The following DAAM1 variants were observed in gnomAD, a reference collection of about 807,000 sequenced individuals.
The protein encoded by DAAM1 is disheveled-associated activator of morphogenesis 1.
In DAAM1, 52 loss-of-function variants were observed where a neutral mutation model predicts 130.0. That is an observed-to-expected ratio of 0.40 (90% CI 0.32 to 0.50). The LOEUF is 0.50. DAAM1 is among the 20% of genes least tolerant of loss of function. The pLI, the probability that DAAM1 is intolerant of heterozygous loss-of-function variation, is 0.61. For missense variants in DAAM1, 1,134 were observed against 1,303.8 expected, an observed-to-expected ratio of 0.87 and a Z score of 2.01; for synonymous variants, 452 against 444.5, an observed-to-expected ratio of 1.02 and a Z score of -0.21.
Position 59,344,845 on chromosome 14 carries a change from G to A in DAAM1, c.2076-2694G>A, listed in dbSNP as rs374730052. Among the ~76,000 whole-genome samples, 5 of 152,234 alleles carry A rather than the reference G, an allele frequency of 3.3e-5. No individual in the cohort carries two copies. In the East Asian group the frequency reaches 5.8e-4, roughly 18 times the overall value. ...ATCTGATACTTCAAGTATTGTTCTC[G>A]CTCTGATTTTCAACTCCTTTTCTTT... On this transcript the variant is annotated intron_variant, in intron 16 of 24. Transcript: ENST00000360909.
Position 59,341,621 on chromosome 14 carries a change from A to C in DAAM1, c.2075+1441A>C, listed in dbSNP as rs149849878. ...TGTATAGACAAAAAAAACATAGTCT[A>C]TGTAAGGATCAATACTATCCACAGT... On this transcript the variant is annotated intron_variant, in intron 16 of 24. Coordinates refer to ENST00000360909, the MANE Select transcript of DAAM1 (RefSeq NM_001270520.2). Among the ~76,000 whole-genome samples the C allele has an allele frequency of 7.7e-3, 1,170 of 152,358 alleles. 20 individuals are homozygous for C. The highest frequency in any genetic ancestry group is 0.026 in the African/African-American group (1,091 of 41,584).
At chr14:59,292,298 C>G (rs1410293792) in intron 3 of DAAM1, among the ~76,000 whole-genome samples, 1 of 152,166 alleles carries the variant, frequency 6.6e-6, no homozygotes, top group Non-Finnish European at 1.5e-5. Flanking sequence ...AATATTTTTT[C>G]AAGACACCAC....
At chr14:59,276,904 TC>T (rs1882994131) in intron 2 of DAAM1, among the ~76,000 whole-genome samples, 1 of 152,150 alleles carries the variant, frequency 6.6e-6, no homozygotes, top group Non-Finnish European at 1.5e-5. Context: ...TCCTGCCCAT[TC>T]CCCCACCTCA....
At chr14:59,315,483 A>G (rs1268136429) in intron 4 of DAAM1, 132 bp downstream of exon 4, 3 of 817,918 alleles carry the variant, frequency 3.7e-6, no homozygotes, top group Non-Finnish European at 5.8e-6. Flanking sequence ...CATCCTAAAC[A>G]TTCAATGCTG....
chr14:59,227,249 G>A (rs1029988466), intron 1 of DAAM1, among the ~76,000 whole-genome samples: 1 of 152,162 alleles, frequency 6.6e-6, no homozygotes, highest in African/African-American at 2.4e-5. Context: ...AACAAGGATG[G>A]TGTGAACAAG....
At chr14:59,195,710 T>C (rs943180662) in intron 1 of DAAM1, among the ~76,000 whole-genome samples, 1 of 152,178 alleles carries the variant, frequency 6.6e-6, no homozygotes, top group Admixed American at 6.5e-5. Flanking sequence ...TTGGGCATTG[T>C]TGGGGTAATA....
rs10144311 is a variant in DAAM1, at chr14:59,355,534, T to A, written c.2525+201T>A. 3.4e-3 allele frequency among the ~76,000 whole-genome samples: 512 copies of A among 152,324 alleles called. 4 individuals carry two copies. Among genetic ancestry groups the A allele is most frequent in the African/African-American group, 0.012 (483 of 41,564 alleles). ...ACCGCAGGCATCTCCCACATTCCTG[T>A]TGGACCAATTATCCTTCATCCATTT... On this transcript the variant is annotated intron_variant, in intron 20 of 24. Coordinates refer to ENST00000360909, the MANE Select transcript of DAAM1 (RefSeq NM_001270520.2).
intron 3 of DAAM1, among the ~76,000 whole-genome samples, chr14:59,293,942 T>C (rs972055722): frequency 2.6e-5 from 4 of 152,192 alleles, no homozygotes; most frequent in Non-Finnish European, 4.4e-5. Context: ...TTATTTTCCT[T>C]GGAACATCTC....
At chr14:59,320,661 G>T in intron 5 of DAAM1, 77 bp downstream of exon 5, 1 of 1,028,672 alleles carries the variant, frequency 9.7e-7, no homozygotes, top group South Asian at 1.9e-5. Flanking sequence ...AACCTTCTAG[G>T]AAGTCTTAAG....
intron 3 of DAAM1, among the ~76,000 whole-genome samples, chr14:59,300,665 A>G (rs1884135117): frequency 6.6e-6 from 1 of 152,212 alleles, no homozygotes; most frequent in Non-Finnish European, 1.5e-5. Flanking sequence ...TTTTTTAAAA[A>G]AGAAATAAAA....
intron 1 of DAAM1, among the ~76,000 whole-genome samples, chr14:59,236,203 A>G (rs1448548663): frequency 6.6e-6 from 1 of 151,948 alleles, no homozygotes; most frequent in African/African-American, 2.4e-5. Context: ...ATCTTCAGGT[A>G]ATTTTTAGCA....
chr14:59,303,128 C>T (rs578210408), intron 3 of DAAM1, among the ~76,000 whole-genome samples: 7 of 152,248 alleles, frequency 4.6e-5, no homozygotes, highest in East Asian at 1.9e-4. Context: ...TGTGACTGTG[C>T]GAGGCCCTTT....
Position 59,359,516 on chromosome 14 carries a change from C to T in DAAM1, c.2633+12C>T, listed in dbSNP as rs762092796. ...GCTGCGAAAGTAAAGTAAGTACTTA[C>T]AGTGAGTGTTAGTTTCTTAAATCAC... On this transcript the variant is annotated intron_variant, in intron 21 of 24. Transcript: ENST00000360909. The T allele has an allele frequency of 4.4e-6, 7 of 1,594,802 alleles. No homozygotes were observed. Among genetic ancestry groups the T allele is most frequent in the Non-Finnish European group, 6.0e-6 (7 of 1,162,918 alleles).
intron 1 of DAAM1, among the ~76,000 whole-genome samples, chr14:59,242,371 CA>C (rs571489813): frequency 6.6e-6 from 1 of 152,174 alleles, no homozygotes; most frequent in South Asian, 2.1e-4. Context: ...ATAGTAACAA[CA>C]ACAACAACAG....
chr14:59,363,426 G>A (rs1886789303), intron 22 of DAAM1: 7 of 477,798 alleles, frequency 1.5e-5, no homozygotes, highest in Non-Finnish European at 2.6e-5. Context: ...TACTTAGATT[G>A]TTGGTAAATT....
chr14:59,366,807 G>A (rs547024539), intron 23 of DAAM1, among the ~76,000 whole-genome samples: 20 of 152,106 alleles, frequency 1.3e-4, no homozygotes, highest in Non-Finnish European at 2.1e-4. Flanking sequence ...CCAGCTACTC[G>A]TGAGGCTTAA....
chr14:59,294,639 A>G (rs186850058), intron 3 of DAAM1, among the ~76,000 whole-genome samples: 1 of 152,076 alleles, frequency 6.6e-6, no homozygotes, highest in Non-Finnish European at 1.5e-5. Flanking sequence ...TCAAATAGGA[A>G]ATGTTTGTGG....
intron 1 of DAAM1, among the ~76,000 whole-genome samples, chr14:59,230,373 A>G (rs962056442): frequency 6.6e-6 from 1 of 151,842 alleles, no homozygotes; most frequent in Non-Finnish European, 1.5e-5. Flanking sequence ...CCACGGGGTT[A>G]ACATGGAGCC....
rs965584122 is a variant in DAAM1, at chr14:59,371,318, G to A, written c.*2459G>A. On this transcript the variant is annotated 3_prime_UTR_variant, in exon 25 of 25. Transcript: ENST00000360909. The stretch of plus-strand genomic sequence containing the variant: ...TGCAAGACTGTTGTTAGATAGTACT[G>A]AGAAAAAAAAAGTATGTGTTATGAG... The A allele has an allele frequency of 2.0e-5, 3 of 151,424 alleles. No individual in the cohort carries two copies. Among genetic ancestry groups the A allele is most frequent in the Non-Finnish European group, 2.9e-5 (2 of 67,822 alleles). 9.4% of individuals were successfully genotyped at this position (151,424 alleles called of 1,614,324 possible).
Sources: allele counts gnomAD v4.1 joint callset (sites outside exome capture counted in the v4.1 genomes callset), GRCh38; gene constraint gnomAD v4.1.1; transcripts MANE v1.5; gene names NCBI Gene and HGNC (gene_info 2026-07-23, HGNC 2026-07-21).